ATXN1: variants seen among roughly 807,000 people sequenced by gnomAD.
ATXN1 encodes ataxin 1.
Under a neutral mutation model 56.4 loss-of-function variants are expected in ATXN1, and 8 were observed. The observed-to-expected ratio is 0.14, with a 90% CI of 0.08 to 0.26. The LOEUF is 0.26. Ranked by LOEUF, ATXN1 falls within the 10% of genes least tolerant of loss-of-function variation. The pLI is 1.00. For missense variants in ATXN1, 987 were observed against 1,106.5 expected, an observed-to-expected ratio of 0.89 and a Z score of 1.53; for synonymous variants, 514 against 494.6, an observed-to-expected ratio of 1.04 and a Z score of -0.52.
intron 6 of ATXN1, among the ~76,000 whole-genome samples, chr6:16,419,568 G>T (rs770915356): frequency 6.6e-6 from 1 of 152,086 alleles, no homozygotes; most frequent in Non-Finnish European, 1.5e-5. Context: ...AAAGGAAAAG[G>T]CCTGGCCCTG....
At chr6:16,600,113 C>CAAG (rs1762887234) in intron 3 of ATXN1, among the ~76,000 whole-genome samples, 1 of 152,118 alleles carries the variant, frequency 6.6e-6, no homozygotes. Flanking sequence ...TGGGGTCATC[C>CAAG]ATTGTATATG....
At chr6:16,696,665 G>A (rs1362298960) in intron 2 of ATXN1, among the ~76,000 whole-genome samples, 3 of 152,128 alleles carry the variant, frequency 2.0e-5, no homozygotes, top group African/African-American at 7.2e-5. Flanking sequence ...TAATCATTGA[G>A]GAACTCTTAA....
chr6:16,585,178 T>C (rs930302741), intron 4 of ATXN1, among the ~76,000 whole-genome samples: 17 of 152,036 alleles, frequency 1.1e-4, no homozygotes, highest in African/African-American at 3.9e-4. Context: ...GCCTTGGAGG[T>C]GGAAGCTGCA....
intron 2 of ATXN1, among the ~76,000 whole-genome samples, chr6:16,700,533 T>C (rs969577900): frequency 2.0e-5 from 3 of 152,074 alleles, no homozygotes; most frequent in Non-Finnish European, 4.4e-5. Context: ...GCAGAAGTCC[T>C]GAGATAGCTG....
At chr6:16,437,229 G>A (rs1759411991) in intron 6 of ATXN1, among the ~76,000 whole-genome samples, 1 of 152,198 alleles carries the variant, frequency 6.6e-6, no homozygotes, top group African/African-American at 2.4e-5. Context: ...CTCACATTTG[G>A]AAACCAGAGG....
chr6:16,452,673 A>C (rs2113614303), intron 6 of ATXN1, among the ~76,000 whole-genome samples: 1 of 152,364 alleles, frequency 6.6e-6, no homozygotes. Context: ...GGATGGCGTC[A>C]AATGTATTTT....
At chr6:16,422,812 A>G (rs1759064096) in intron 6 of ATXN1, among the ~76,000 whole-genome samples, 1 of 152,208 alleles carries the variant, frequency 6.6e-6, no homozygotes, top group African/African-American at 2.4e-5. Flanking sequence ...TGTTTCTTTG[A>G]TCTGCCTTAT....
rs534360772 is a variant in ATXN1, at chr6:16,439,432, G to A, written c.-161+46540C>T. On this transcript the variant is annotated intron_variant, in intron 6 of 7. Transcript: ENST00000436367. ...TGCTGACATCAGAATGTGTACCAGAGTGACTCAGGGGTTTTTTTTCAGCCT... is the reference window on the plus strand; with the variant it reads ...TGCTGACATCAGAATGTGTACCAGAATGACTCAGGGGTTTTTTTTCAGCCT... Among the ~76,000 whole-genome samples, 243 of 131,426 alleles carry A rather than the reference G, an allele frequency of 1.8e-3. 1 individual carries two copies. The highest frequency in any genetic ancestry group is 6.5e-3 in the African/African-American group (233 of 35,674). 86.2% of individuals were successfully genotyped at this position (131,426 alleles called of 152,430 possible).
At chr6:16,581,266 G>T (rs145912953) in intron 4 of ATXN1, among the ~76,000 whole-genome samples, 1 of 151,286 alleles carries the variant, frequency 6.6e-6, no homozygotes, top group Non-Finnish European at 1.5e-5. Context: ...GTGGGTGTGT[G>T]GATGGGGAGT....
At chr6:16,585,435 C>A (rs1762604443) in intron 4 of ATXN1, among the ~76,000 whole-genome samples, 1 of 152,102 alleles carries the variant, frequency 6.6e-6, no homozygotes, top group Non-Finnish European at 1.5e-5. Flanking sequence ...TCTTAATAAT[C>A]TCTACTACTT....
chr6:16,412,578 C>A (rs143904151), intron 6 of ATXN1, among the ~76,000 whole-genome samples: 6 of 152,298 alleles, frequency 3.9e-5, no homozygotes, highest in Admixed American at 3.9e-4. Flanking sequence ...GCCAGGCTCC[C>A]CCACTTCAAT....
chr6:16,346,594 C>T (rs1761394639), intron 6 of ATXN1, among the ~76,000 whole-genome samples: 1 of 152,222 alleles, frequency 6.6e-6, no homozygotes, highest in African/African-American at 2.4e-5. Flanking sequence ...TCATGTTAGA[C>T]CGGGCTAACT....
At chr6:16,449,296 TAATA>T (rs1759705087) in intron 6 of ATXN1, among the ~76,000 whole-genome samples, 1 of 152,186 alleles carries the variant, frequency 6.6e-6, no homozygotes, top group South Asian at 2.1e-4. Context: ...TTTTGGTATG[TAATA>T]AATAAACATG....
chr6:16,328,800 G>C lies in ATXN1; in HGVS notation c.-160-330C>G, dbSNP rs181190441. Among the ~76,000 whole-genome samples, 1 of 152,122 alleles carries C rather than the reference G, an allele frequency of 6.6e-6. No individual in the cohort carries two copies. The highest frequency in any genetic ancestry group is 6.5e-5 in the Admixed American group (1 of 15,268). ...CCTGGTGTAACATTAGCTGGCACACGGCTGTAGTCCCAGCTACTTGAGAGG... is the reference window on the plus strand; with the variant it reads ...CCTGGTGTAACATTAGCTGGCACACCGCTGTAGTCCCAGCTACTTGAGAGG... On this transcript the variant is annotated intron_variant, in intron 6 of 7. Coordinates refer to ENST00000436367, the MANE Select transcript of ATXN1 (RefSeq NM_001128164.2). The surrounding 1 kb of genome is among the most constrained non-coding windows in gnomAD (Gnocchi z 6.2).
intron 6 of ATXN1, among the ~76,000 whole-genome samples, chr6:16,345,849 T>C (rs1761371998): frequency 6.6e-6 from 1 of 152,128 alleles, no homozygotes; most frequent in South Asian, 2.1e-4. Flanking sequence ...CAATGGAACA[T>C]TAAGGACACT....
intron 6 of ATXN1, among the ~76,000 whole-genome samples, chr6:16,384,933 T>C (rs1417623501): frequency 6.6e-6 from 1 of 152,248 alleles, no homozygotes; most frequent in Non-Finnish European, 1.5e-5. Flanking sequence ...TGTGCAGAGA[T>C]GGTCAAGAGA....
intron 2 of ATXN1, among the ~76,000 whole-genome samples, chr6:16,672,467 C>T (rs908173962): frequency 6.6e-6 from 1 of 152,192 alleles, no homozygotes; most frequent in African/African-American, 2.4e-5. Flanking sequence ...AACATACCCA[C>T]GTCCTAATCC....
At chr6:16,352,947 A>G (rs1236728861) in intron 6 of ATXN1, among the ~76,000 whole-genome samples, 1 of 152,132 alleles carries the variant, frequency 6.6e-6, no homozygotes, top group African/African-American at 2.4e-5. Flanking sequence ...AAGCACTTCC[A>G]TCCCACCACA....
intron 2 of ATXN1, among the ~76,000 whole-genome samples, chr6:16,734,161 G>A (rs1469974070): frequency 6.6e-6 from 1 of 152,136 alleles, no homozygotes; most frequent in East Asian, 1.9e-4. Context: ...GCTTGTGAGA[G>A]ATCTGTTGGC....
Sources: gnomAD v4.1 joint callset for allele counts (sites outside exome capture counted in the v4.1 genomes callset) on GRCh38, gnomAD v4.1.1 for gene constraint, Gnocchi (gnomAD v3.1) non-coding constraint, MANE v1.5 for transcripts, NCBI Gene and HGNC (gene_info 2026-07-23, HGNC 2026-07-21) for gene names.